The following VPS9D1 variants were observed in gnomAD, a reference collection of about 807,000 sequenced individuals.
The protein encoded by VPS9D1 is VPS9 domain-containing protein 1.
VPS9D1 carries 78 observed loss-of-function variants against 75.8 expected under a neutral mutation model. The observed-to-expected ratio is 1.03, with a 90% CI of 0.86 to 1.24. The LOEUF (loss-of-function observed/expected upper bound fraction) is 1.24, where lower values mean the gene tolerates loss of function less well. VPS9D1 is among the 50% of genes most tolerant of loss of function. The probability of loss-of-function intolerance (pLI) is 0.00; values close to 1 mark genes in which losing one functional copy is unlikely to be tolerated. For synonymous variants in VPS9D1, 481 were observed against 385.6 expected, an observed-to-expected ratio of 1.25 and a Z score of -2.90; for missense variants, 1,057 against 847.7, an observed-to-expected ratio of 1.25 and a Z score of -3.07.
At chr16:89,711,529 G>A (rs2060920754) in intron 8 of VPS9D1, 117 bp from the exon 9 acceptor site, 3 of 1,035,504 alleles carry the variant, frequency 2.9e-6, no homozygotes, top group Non-Finnish European at 4.2e-6. Context: ...GGGTGCAGGA[G>A]ACCCAGCGCC....
chr16:89,710,094 C>T (rs1347659041), intron 10 of VPS9D1, among the ~76,000 whole-genome samples, 188 bp from the exon 11 acceptor site: 2 of 152,192 alleles, frequency 1.3e-5, no homozygotes, highest in Non-Finnish European at 2.9e-5. Flanking sequence ...CCTACAGCTG[C>T]TGCCCTGTTG....
In VPS9D1 at chr16:89,707,766, G is replaced by T; in HGVS notation, c.*95C>A. 8.8e-7 allele frequency: 1 copy of T among 1,137,304 alleles called. No homozygotes were observed. The highest frequency in any genetic ancestry group is 1.3e-6 in the Non-Finnish European group (1 of 765,566). The allele number at this position is 1,137,304 out of a possible 1,614,324, so 70.5% of individuals were successfully genotyped here. ...ATGTGCAGAGCAGCGTGAGGCTCCA[G>T]GATGGTCCTCAGTAGATCCCATGGC... is the stretch of plus-strand genomic sequence containing the variant. On this transcript the variant is annotated 3_prime_UTR_variant, in exon 15 of 15. Coordinates refer to ENST00000389386, the MANE Select transcript of VPS9D1 (RefSeq NM_004913.3).
chr16:89,713,161 T>G (rs1342343064), intron 4 of VPS9D1: 1 of 152,722 alleles, frequency 6.5e-6, no homozygotes, highest in South Asian at 2.1e-4. Flanking sequence ...GGTGATAGAG[T>G]GAGACTCTGT....
In VPS9D1 at chr16:89,708,911, G is replaced by A. The variant is rs975544237; in HGVS notation, c.1643C>T (p.Pro548Leu). ...IICVCAEDYC[P>L]TPEATPQAGP... is the part of the protein sequence containing the mutation. ...GGCCTGGGGTGTGGCCTCTGGGGTG[G>A]GGCAGTAGTCTTCCGCACAGACACA... Residue 548 changes from proline to leucine, a missense_variant, in exon 13 of 15, where the codon CCC becomes CTC. By Grantham distance (98) the Pro-to-Leu change is moderately conservative. Coordinates refer to ENST00000389386, the MANE Select transcript of VPS9D1 (RefSeq NM_004913.3). The A allele has an allele frequency of 1.9e-6, 3 of 1,600,692 alleles. No homozygotes were observed. The African/African-American group carries it at 4.0e-5, about 22-fold the overall frequency.
chr16:89,711,649 T>TCCTCGCTGGGACCCTCCCA, intron 8 of VPS9D1: 2 of 532,750 alleles, frequency 3.8e-6, no homozygotes, highest in Non-Finnish European at 6.1e-6. Context: ...GGACCCTCCC[T>TCCTCGCTGGGACCCTCCCA]CCTCGCTGGG....
At position 89,712,424 on chromosome 16, in the gene VPS9D1, C is replaced by T. The variant is rs375540702; in HGVS notation, c.606+36G>A. 1.1e-5 allele frequency: 17 copies of T among 1,610,606 alleles called. No homozygotes were observed. In the African/African-American group the frequency reaches 1.7e-4, roughly 16 times the overall value. ...CTTGGCTCAAGGCCACACTGAGTTT[C>T]CCCTCGGGGACCACCAGGGCGGTCA... On this transcript the variant is annotated intron_variant, in intron 6 of 14. Coordinates refer to ENST00000389386, the MANE Select transcript of VPS9D1 (RefSeq NM_004913.3).
At chr16:89,720,581 A>G in intron 1 of VPS9D1, 182 bp downstream of exon 1, 4 of 1,218,204 alleles carry the variant, frequency 3.3e-6, no homozygotes, top group Middle Eastern at 6.5e-4. Context: ...GAGCTGTCCA[A>G]GGTCACTGCA....
At chr16:89,717,134 G>C (rs377697706) in intron 2 of VPS9D1, among the ~76,000 whole-genome samples, 1 of 50,192 alleles carries the variant, frequency 2.0e-5, no homozygotes, top group African/African-American at 7.7e-5. Flanking sequence ...CACTGACCCC[G>C]GGCAAGCCGA....
chr16:89,707,997 G>C, intron 14 of VPS9D1, 43 bp from the exon 15 acceptor site: 11 of 1,588,384 alleles, frequency 6.9e-6, no homozygotes, highest in Non-Finnish European at 8.6e-6. Flanking sequence ...TGAACGAACA[G>C]AAGGATACCC....
intron 2 of VPS9D1, among the ~76,000 whole-genome samples, chr16:89,718,741 A>G (rs1035372545): frequency 5.6e-5 from 8 of 143,160 alleles, no homozygotes; most frequent in African/African-American, 1.3e-4. Context: ...TTTGAGACGG[A>G]GTTTCGCTCT....
At chr16:89,709,689 G>C (rs1567541580) in intron 11 of VPS9D1, 88 bp downstream of exon 11, 1 of 1,589,970 alleles carries the variant, frequency 6.3e-7, no homozygotes, top group Non-Finnish European at 8.6e-7. Context: ...GAGGGGAGCA[G>C]ACAGTGCCAG....
chr16:89,710,747 A>G lies in VPS9D1; in HGVS notation c.1097T>C (p.Leu366Pro). ...QPGPVGSPSPLGDTASGLPDK... is the reference protein window; with the variant it reads ...QPGPVGSPSPPGDTASGLPDK... ...TGGCAATCCAGATGCGGTGTCCCCC[A>G]GGGGTGAGGGAGACCCCACGGGGCC... Residue 366 changes from leucine (L) to proline (P), a missense_variant, in exon 10 of 15, where the codon CTG becomes CCG. Transcript: ENST00000389386. The G allele has an allele frequency of 6.3e-7, 1 of 1,577,900 alleles. No individual in the cohort carries two copies. Among genetic ancestry groups the G allele is most frequent in the Non-Finnish European group, 8.6e-7 (1 of 1,161,984 alleles).
Position 89,708,443 on chromosome 16 carries a change from C to A in VPS9D1, c.1786G>T (p.Glu596Ter). The change falls in exon 14 of 15, where the codon GAG becomes TAG. Residue 596 changes from glutamate (E) to a stop codon, truncating the protein, a stop_gained. Transcript: ENST00000389386. LOFTEE classifies it high-confidence loss of function. ...AGGGTCTACCCCTCGTGGATGAACT[C>A]CTCCAGGGCCGCGCACTCCGACACC... ...QLVSECAALE[E>*]FIHEGYLIGE... is the part of the protein sequence containing the mutation. 1 of 1,612,318 alleles carries A rather than the reference C, an allele frequency of 6.2e-7. No homozygotes were observed. The highest frequency in any genetic ancestry group is 8.5e-7 in the Non-Finnish European group (1 of 1,179,668).
rs1241789400 is a variant in VPS9D1, at chr16:89,708,714, AGGGCTGGGCCCACAC to A, written c.1697+128_1697+142del. ...AAGGGAGCTCCCGTACTGCGGAGCC[AGGGCTGGGCCCACAC>A]GGCCCTCCTGCTTCTACAGTGCAGC... On this transcript the variant is annotated intron_variant, in intron 13 of 14. Transcript: ENST00000389386. The A allele has an allele frequency of 4.5e-6, 5 of 1,118,986 alleles. No individual in the cohort carries two copies. In the Admixed American group the frequency reaches 8.1e-5, roughly 18 times the overall value. The allele number at this position is 1,118,986 out of a possible 1,614,324, so 69.3% of individuals were successfully genotyped here.
At position 89,720,800 on chromosome 16, in the gene VPS9D1, T is replaced by A; in HGVS notation, c.62A>T (p.Asn21Ile). 1 of 1,461,320 alleles carries A rather than the reference T, an allele frequency of 6.8e-7. No homozygotes were observed. The allele number at this position is 1,461,320 out of a possible 1,614,324, so 90.5% of individuals were successfully genotyped here. ...KPLQSAMKLA[N>I]GAIELDTGNR... ...GCCGGTGTCCAGCTCGATGGCCCCG[T>A]TGGCAAGCTTCATGGCGCTCTGCAG... is the stretch of plus-strand genomic sequence containing the variant. The change falls in exon 1 of 15, where the codon AAC becomes ATC. Residue 21 changes from asparagine (N) to isoleucine (I), a missense_variant. By Grantham distance (149) the Asn-to-Ile change is moderately radical (BLOSUM62 -3). Coordinates refer to ENST00000389386, the MANE Select transcript of VPS9D1 (RefSeq NM_004913.3).
chr16:89,711,798 C>CA (rs2060933365), intron 8 of VPS9D1, 84 bp downstream of exon 8: 1 of 1,471,278 alleles, frequency 6.8e-7, no homozygotes, highest in Non-Finnish European at 9.2e-7. Context: ...GGCTCCGCCC[C>CA]CCACGGGGGC....
chr16:89,708,795 C>T, intron 13 of VPS9D1, 62 bp downstream of exon 13: 6 of 1,460,398 alleles, frequency 4.1e-6, no homozygotes, highest in Admixed American at 2.6e-5. Context: ...TAGTCCCTCC[C>T]GTGACCATTG....
intron 1 of VPS9D1, among the ~76,000 whole-genome samples, chr16:89,719,670 C>T: frequency 6.6e-6 from 1 of 152,172 alleles, no homozygotes; most frequent in East Asian, 1.9e-4. Flanking sequence ...CCTTTCAAGG[C>T]TGTGTGACCC....
At chr16:89,720,273 G>T in intron 1 of VPS9D1, 1 of 446,446 alleles carries the variant, frequency 2.2e-6, no homozygotes. Context: ...CCTTAGATTC[G>T]GCCCCATCTC....
Sources: allele counts gnomAD v4.1 joint callset (sites outside exome capture counted in the v4.1 genomes callset), GRCh38; gene constraint gnomAD v4.1.1; transcripts MANE v1.5; gene names NCBI Gene and HGNC (gene_info 2026-07-23, HGNC 2026-07-21).